Variants in NCOR2 observed in about 807,000 individuals in gnomAD.
NCOR2 encodes the protein CTG repeat protein 26.
NCOR2 carries 81 observed loss-of-function variants against 262.9 expected under a neutral mutation model. The ratio of observed to expected loss-of-function variants is 0.31; its 90% confidence interval spans 0.26 to 0.37. The LOEUF is 0.37. NCOR2 is among the 10% of genes least tolerant of loss of function. The pLI is 1.00. For synonymous variants in NCOR2, 1,659 were observed against 1,559.3 expected (o/e 1.06, Z -1.51); for missense variants, 3,385 against 3,621.4 (o/e 0.93, Z 1.68).
chr12:124,338,505 CAAAAA>C (rs575208388), intron 37 of NCOR2, among the ~76,000 whole-genome samples: 1 of 87,744 alleles, frequency 1.1e-5, no homozygotes, highest in Non-Finnish European at 2.3e-5. Context: ...ACAACTCCAT[CAAAAA>C]AAAAAAAAAA....
intron 18 of NCOR2, among the ~76,000 whole-genome samples, chr12:124,376,291 T>C (rs1004286756): frequency 7.2e-5 from 11 of 152,006 alleles, no homozygotes; most frequent in African/African-American, 2.7e-4. Flanking sequence ...CTACGTAAGC[T>C]CTGCAAGCGA....
At chr12:124,353,705 C>T (rs1273914473) in intron 27 of NCOR2, among the ~76,000 whole-genome samples, 1 of 152,226 alleles carries the variant, frequency 6.6e-6, no homozygotes, top group East Asian at 1.9e-4. Flanking sequence ...CTGAGATTCC[C>T]GCATGGCTTG....
At chr12:124,374,803 GCTCCC>G (rs1298805277) in intron 18 of NCOR2, among the ~76,000 whole-genome samples, 4 of 152,340 alleles carry the variant, frequency 2.6e-5, no homozygotes, top group South Asian at 4.1e-4. Flanking sequence ...GTGGAACCAG[GCTCCC>G]AGGATGCCTG....
At chr12:124,459,610 G>A (rs1417227930) in intron 5 of NCOR2, among the ~76,000 whole-genome samples, 1 of 152,146 alleles carries the variant, frequency 6.6e-6, no homozygotes, top group Non-Finnish European at 1.5e-5. Flanking sequence ...CACTCACCCA[G>A]GGTACCAAAC....
At chr12:124,397,000 C>T (rs1051276068) in intron 16 of NCOR2, among the ~76,000 whole-genome samples, 48 of 152,334 alleles carry the variant, frequency 3.2e-4, no homozygotes, top group Admixed American at 2.4e-3. Flanking sequence ...GGGACAGGGA[C>T]GGGGAGTGGG....
intron 13 of NCOR2, among the ~76,000 whole-genome samples, chr12:124,414,397 TCATCATCAC>T (rs2042751034): frequency 6.6e-6 from 1 of 152,100 alleles, no homozygotes; most frequent in South Asian, 2.1e-4. Flanking sequence ...ACTGTCGCCG[TCATCATCAC>T]CATCATCGCC....
chr12:124,422,458 CGGAGG>C, intron 12 of NCOR2, 38 bp downstream of exon 14: 1 of 1,612,088 alleles, frequency 6.2e-7, no homozygotes, highest in Non-Finnish European at 8.5e-7. Flanking sequence ...CAGTTGCCCA[CGGAGG>C]TGGAGACCGA....
rs369045195 is a variant in NCOR2, at chr12:124,443,396, C to A, written c.816-5400G>T. Among the ~76,000 whole-genome samples, 14 of 152,384 alleles carry A rather than the reference C, an allele frequency of 9.2e-5. No homozygotes were observed. The South Asian group carries it at 2.9e-3, about 32-fold the overall frequency. On this transcript the variant is annotated intron_variant, in intron 7 of 46. Transcript: ENST00000405201. This position sits in a 1 kb window ranked among gnomAD's most constrained non-coding sequence, Gnocchi z 4.4. Reference sequence around the variant, plus strand: ...TACCACGCAAGAGGACACGTCAAGTCTGCAAACACATGTCAAGTCCGCAGG... The same window carrying A: ...TACCACGCAAGAGGACACGTCAAGTATGCAAACACATGTCAAGTCCGCAGG...
chr12:124,520,421 C>T (rs2050117975), intron 1 of NCOR2, among the ~76,000 whole-genome samples: 1 of 152,156 alleles, frequency 6.6e-6, no homozygotes. Context: ...TCCTTCTGTT[C>T]ATTTTTGTTT....
chr12:124,339,486 C>T (rs2036227550), intron 37 of NCOR2, among the ~76,000 whole-genome samples: 1 of 150,826 alleles, frequency 6.6e-6, no homozygotes, highest in Non-Finnish European at 1.5e-5. Context: ...CCCACCCATC[C>T]ATCCACCCAG....
chr12:124,365,933 C>T (rs528244512), intron 20 of NCOR2, among the ~76,000 whole-genome samples: 17 of 152,272 alleles, frequency 1.1e-4, no homozygotes, highest in Non-Finnish European at 1.5e-4. Context: ...CTTCAACTGC[C>T]GCCACCCCTA....
rs577307936 is a variant in NCOR2 at position 124,454,028 on chromosome 12, G to A, written c.762+3078C>T. ...CAGCACCTCAGGCCGTCCCTGGCCC[G>A]GGCTTCTGGCACCCAGTTGGTAGAC... On this transcript the variant is annotated intron_variant, in intron 6 of 46. Transcript: ENST00000405201. This position sits in a 1 kb window ranked among gnomAD's most constrained non-coding sequence, Gnocchi z 5.6. Among the ~76,000 whole-genome samples the A allele has an allele frequency of 3.3e-5, 5 of 152,322 alleles. No individual in the cohort carries two copies. Among genetic ancestry groups the A allele is most frequent in the East Asian group, 1.9e-4 (1 of 5,172 alleles).
intron 1 of NCOR2, among the ~76,000 whole-genome samples, chr12:124,524,980 T>G (rs147691981): frequency 4.6e-5 from 7 of 152,280 alleles, no homozygotes; most frequent in Non-Finnish European, 7.4e-5. Flanking sequence ...TACATGTAAA[T>G]TAAAACCATG....
chr12:124,509,235 T>TGGTG (rs1037698789), intron 1 of NCOR2, among the ~76,000 whole-genome samples: 3 of 55,072 alleles, frequency 5.4e-5, no homozygotes, highest in Admixed American at 1.7e-4. Flanking sequence ...CTGGCTTTGG[T>TGGTG]GGGGGGGGGG....
chr12:124,452,475 C>T (rs2045608501), intron 6 of NCOR2, among the ~76,000 whole-genome samples: 1 of 152,238 alleles, frequency 6.6e-6, no homozygotes, highest in Non-Finnish European at 1.5e-5. Flanking sequence ...TCGGTTTCCT[C>T]ATCTGGAATA....
Position 124,483,799 on chromosome 12 carries a change from C to A in NCOR2, c.234-26G>T. 1.3e-6 allele frequency: 2 copies of A among 1,566,444 alleles called. No homozygotes were observed. Among genetic ancestry groups the A allele is most frequent in the Non-Finnish European group, 1.7e-6 (2 of 1,156,266 alleles). ...CTGCAGGAGGTGAGGCATCCAACGTCACATAGGAGATTGCGGCTCTGAGAA... is the reference window on the plus strand; with the variant it reads ...CTGCAGGAGGTGAGGCATCCAACGTAACATAGGAGATTGCGGCTCTGAGAA... On this transcript the variant is annotated intron_variant, in intron 2 of 46. Transcript: ENST00000405201. This position sits in a 1 kb window ranked among gnomAD's most constrained non-coding sequence, Gnocchi z 6.3.
At chr12:124,480,077 G>A (rs2047364538) in intron 3 of NCOR2, among the ~76,000 whole-genome samples, 1 of 152,238 alleles carries the variant, frequency 6.6e-6, no homozygotes, top group African/African-American at 2.4e-5. Context: ...TCCTGATAAA[G>A]GAGGTGCCTC....
chr12:124,397,009 GGGGCC>G (rs1565906478), intron 16 of NCOR2, among the ~76,000 whole-genome samples: 3 of 152,310 alleles, frequency 2.0e-5, no homozygotes, highest in Admixed American at 6.5e-5. Flanking sequence ...ACGGGGAGTG[GGGGCC>G]TGGGCCTGCT....
In NCOR2 at chr12:124,535,291, G is replaced by C. The variant is rs907500262; in HGVS notation, c.-118+274C>G. 7.2e-5 allele frequency among the ~76,000 whole-genome samples: 11 copies of C among 152,206 alleles called. 1 individual carries two copies. Among genetic ancestry groups the C allele is most frequent in the African/African-American group, 2.7e-4 (11 of 41,446 alleles). ...AGCCCACCCTCCTGACACTGACACT[G>C]TCAGGGACCCTCCCACCTCTCAGGT... On this transcript the variant is annotated intron_variant, in intron 1 of 46. Transcript: ENST00000404621.
Sources: allele counts gnomAD v4.1 joint callset (sites outside exome capture counted in the v4.1 genomes callset), GRCh38; gene constraint gnomAD v4.1.1; non-coding constraint Gnocchi (gnomAD v3.1); transcripts MANE v1.5; gene names NCBI Gene and HGNC (gene_info 2026-07-23, HGNC 2026-07-21).